Variants in STAT3 observed in about 807,000 individuals in gnomAD.
The protein encoded by STAT3 is signal transducer and activator of transcription 3.
STAT3 carries 7 observed loss-of-function variants against 114.3 expected under a neutral mutation model. The observed-to-expected ratio is 0.06, with a 90% CI of 0.03 to 0.11. The LOEUF is 0.11. Among genes scored for constraint, STAT3 ranks in the 10% least tolerant of loss-of-function variants. STAT3 has a pLI of 1.00. For synonymous variants in STAT3, 331 were observed against 354.5 expected (o/e 0.93, Z 0.74); for missense variants, 364 against 960.9 (o/e 0.38, Z 8.21).
rs1331988359 is a variant in STAT3, at chr17:42,313,815, G to A, written c.*1930C>T. On this transcript the variant is annotated 3_prime_UTR_variant, in exon 24 of 24. Coordinates refer to ENST00000264657, the MANE Select transcript of STAT3 (RefSeq NM_139276.3). ...TTAAGCTTATTATGTACTGAAGAGT[G>A]TTGCTGGAGAAGTAAGAGCTCTGCA... 4.3e-6 allele frequency: 1 copy of A among 233,100 alleles called. No individual in the cohort carries two copies. The highest frequency in any genetic ancestry group is 6.0e-5 in the East Asian group (1 of 16,628). The allele number at this position is 233,100 out of a possible 1,614,324, so 14.4% of individuals were successfully genotyped here.
At chr17:42,388,104 C>G in intron 1 of STAT3, 175 bp downstream of exon 1, 1 of 792,946 alleles carries the variant, frequency 1.3e-6, no homozygotes, top group Non-Finnish European at 1.7e-6. Flanking sequence ...TTCCGAGGCC[C>G]GCTCCTGTCA....
intron 4 of STAT3, among the ~76,000 whole-genome samples, chr17:42,343,344 G>A (rs1446430296): frequency 6.6e-6 from 1 of 151,526 alleles, no homozygotes; most frequent in East Asian, 1.9e-4. Context: ...AGTCTCCTAT[G>A]ACCGACTACT....
intron 1 of STAT3, among the ~76,000 whole-genome samples, chr17:42,354,977 C>T (rs1361054815): frequency 6.6e-6 from 1 of 152,092 alleles, no homozygotes; most frequent in East Asian, 1.9e-4. Context: ...TATGCAAATA[C>T]TTCCATAGTC....
At chr17:42,367,174 A>T (rs1027182264) in intron 1 of STAT3, among the ~76,000 whole-genome samples, 11 of 151,964 alleles carry the variant, frequency 7.2e-5, no homozygotes, top group African/African-American at 2.4e-4. Context: ...AATAAAAAAT[A>T]AAAATAAAAA....
intron 14 of STAT3, among the ~76,000 whole-genome samples, chr17:42,328,762 G>C (rs2081856701): frequency 6.6e-6 from 1 of 152,126 alleles, no homozygotes; most frequent in Non-Finnish European, 1.5e-5. Context: ...AAAGAACGGG[G>C]CATCACAATT....
At chr17:42,336,219 C>A (rs769110050) in intron 8 of STAT3, among the ~76,000 whole-genome samples, 9 of 152,246 alleles carry the variant, frequency 5.9e-5, no homozygotes, top group Non-Finnish European at 1.0e-4. Flanking sequence ...GTGCAACATG[C>A]TCACTATAGG....
At chr17:42,366,670 CAAAAA>C (rs34003618) in intron 1 of STAT3, among the ~76,000 whole-genome samples, 2 of 57,628 alleles carry the variant, frequency 3.5e-5, no homozygotes. Context: ...GATCCTGTCT[CAAAAA>C]AAAAAAAAAA....
At chr17:42,342,089 G>A (rs1435615787) in intron 4 of STAT3, among the ~76,000 whole-genome samples, 3 of 152,110 alleles carry the variant, frequency 2.0e-5, no homozygotes, top group Non-Finnish European at 2.9e-5. Flanking sequence ...TGCTGCCTGA[G>A]CAAATGCCTG....
In STAT3 at chr17:42,324,561, A is replaced by G; in HGVS notation, c.1600+150T>C. ...ACTGTCTCTGCACCCCAACTCCCCA[A>G]CTCCCCTGTTTCCTGGCACCAGCAC... is the stretch of plus-strand genomic sequence containing the variant. On this transcript the variant is annotated intron_variant, in intron 17 of 23. Transcript: ENST00000264657. The surrounding 1 kb of genome is among the most constrained non-coding windows in gnomAD (Gnocchi z 4.5). 4 of 1,155,604 alleles carry G rather than the reference A, an allele frequency of 3.5e-6. No homozygotes were observed. The highest frequency in any genetic ancestry group is 4.9e-6 in the Non-Finnish European group (4 of 818,698). The allele number at this position is 1,155,604 out of a possible 1,614,324, so 71.6% of individuals were successfully genotyped here.
At position 42,316,829 on chromosome 17, in the gene STAT3, A is replaced by G; in HGVS notation, c.2217T>C (p.Asn739=). 6.2e-7 allele frequency: 1 copy of G among 1,613,340 alleles called. No homozygotes were observed. Among genetic ancestry groups the G allele is most frequent in the Non-Finnish European group, 8.5e-7 (1 of 1,179,876 alleles). Residue 739 remains asparagine (N), a synonymous_variant, in exon 23 of 24, where the codon AAT becomes AAC. Coordinates refer to ENST00000264657, the MANE Select transcript of STAT3 (RefSeq NM_139276.3). ...RTLDSLMQFG[N]NGEGAEPSAG... The stretch of plus-strand genomic sequence containing the variant: ...CTGAGGGTTCAGCACCTTCACCATT[A>G]TTTCCAAACTGCATCAATGAATCTA...
At chr17:42,357,090 A>G (rs901017310) in intron 1 of STAT3, among the ~76,000 whole-genome samples, 11 of 152,154 alleles carry the variant, frequency 7.2e-5, no homozygotes, top group African/African-American at 2.7e-4. Context: ...GCCTGGCCTG[A>G]AAAGAAATTT....
intron 4 of STAT3, among the ~76,000 whole-genome samples, chr17:42,344,718 CAAA>C (rs927425754): frequency 5.0e-5 from 5 of 99,840 alleles, no homozygotes. Context: ...GACTCTGTCT[CAAA>C]AAAAAAAAAA....
At chr17:42,351,585 TCTC>T (rs2145052601) in intron 1 of STAT3, among the ~76,000 whole-genome samples, 1 of 152,204 alleles carries the variant, frequency 6.6e-6, no homozygotes, top group African/African-American at 2.4e-5. Flanking sequence ...GTTTTCTAAA[TCTC>T]CTGTGTACTT....
rs547767441 is a variant in STAT3 at position 42,314,327 on chromosome 17, G to A, written c.*1418C>T. 2.8e-4 allele frequency: 66 copies of A among 233,300 alleles called. No individual in the cohort carries two copies. The highest frequency in any genetic ancestry group is 5.0e-4 in the Non-Finnish European group (59 of 117,866). The allele number at this position is 233,300 out of a possible 1,614,324, so 14.5% of individuals were successfully genotyped here. On this transcript the variant is annotated 3_prime_UTR_variant, in exon 24 of 24. Transcript: ENST00000264657. ...CCTGAGCTCAACCAGACACGTCGCT[G>A]GGGCCCCATAGTGTGCATCATGTCC...
chr17:42,378,740 C>T (rs1225401342), intron 1 of STAT3, among the ~76,000 whole-genome samples: 1 of 152,164 alleles, frequency 6.6e-6, no homozygotes, highest in Non-Finnish European at 1.5e-5. Context: ...TGCAATATTG[C>T]ACTTTGTTTG....
intron 1 of STAT3, among the ~76,000 whole-genome samples, chr17:42,366,442 G>A (rs149898051): frequency 5.1e-4 from 78 of 152,230 alleles, no homozygotes; most frequent in Non-Finnish European, 9.6e-4. Flanking sequence ...AGGCTGAGGC[G>A]GGTGGATCAC....
At chr17:42,322,974 G>A (rs2144689718) in intron 20 of STAT3, 30 bp downstream of exon 20, 4 of 1,612,810 alleles carry the variant, frequency 2.5e-6, no homozygotes, top group Non-Finnish European at 3.4e-6. Flanking sequence ...GCAGCCACCA[G>A]CAGGTGGGGT....
intron 21 of STAT3, among the ~76,000 whole-genome samples, chr17:42,320,570 A>C (rs1021814123): frequency 2.0e-5 from 3 of 152,012 alleles, no homozygotes; most frequent in Non-Finnish European, 2.9e-5. Flanking sequence ...TCTCTACAAA[A>C]AATACAAAAA....
rs111231230 is a variant in STAT3, at chr17:42,358,726, T to G, written c.-23-10187A>C. Among the ~76,000 whole-genome samples the G allele has an allele frequency of 9.9e-5, 15 of 152,152 alleles. 1 individual carries two copies. The highest frequency in any genetic ancestry group is 3.1e-4 in the African/African-American group (13 of 41,512). The stretch of plus-strand genomic sequence containing the variant: ...AACCCTGCCTGACATTTATTAGCTA[T>G]TTGTCTTTGGGAATGGTATTTCACT... On this transcript the variant is annotated intron_variant, in intron 1 of 23. Transcript: ENST00000264657.
Sources: allele counts gnomAD v4.1 joint callset (sites outside exome capture counted in the v4.1 genomes callset), GRCh38; gene constraint gnomAD v4.1.1; non-coding constraint Gnocchi (gnomAD v3.1); transcripts MANE v1.5; gene names NCBI Gene and HGNC (gene_info 2026-07-23, HGNC 2026-07-21).